Variants in KCNIP4 observed in about 807,000 individuals in gnomAD.
KCNIP4 encodes the protein potassium voltage-gated channel interacting protein 4.
In KCNIP4, 12 loss-of-function variants were observed where a neutral mutation model predicts 34.0. That is an observed-to-expected ratio of 0.35 (90% CI 0.23 to 0.57). The LOEUF (loss-of-function observed/expected upper bound fraction) is 0.57, where lower values mean the gene tolerates loss of function less well. Ranked by LOEUF, KCNIP4 falls within the 20% of genes least tolerant of loss-of-function variation. KCNIP4 has a pLI of 0.83. For missense variants in KCNIP4, 238 were observed against 311.7 expected, an observed-to-expected ratio of 0.76 and a Z score of 1.78; for synonymous variants, 124 against 102.2, an observed-to-expected ratio of 1.21 and a Z score of -1.29.
intron 1 of KCNIP4, among the ~76,000 whole-genome samples, chr4:21,320,964 T>TTAAAAAAAAAAAAAAAA (rs1553860312): frequency 2.9e-5 from 3 of 102,916 alleles, no homozygotes; most frequent in South Asian, 3.2e-4. Context: ...GAATCTGTCT[T>TTAAAAAAAAAAAAAAAA]AAAAAAAAAA....
chr4:20,982,024 T>C (rs1199799903), intron 1 of KCNIP4, among the ~76,000 whole-genome samples: 1 of 152,220 alleles, frequency 6.6e-6, no homozygotes, highest in Non-Finnish European at 1.5e-5. Context: ...AATTCGAAGT[T>C]TGAATCTGCA....
At chr4:21,934,302 T>G (rs1729729824) in intron 1 of KCNIP4, among the ~76,000 whole-genome samples, 1 of 151,996 alleles carries the variant, frequency 6.6e-6, no homozygotes, top group Non-Finnish European at 1.5e-5. Context: ...GTGGTCATTT[T>G]CATCAATTCC....
intron 1 of KCNIP4, among the ~76,000 whole-genome samples, chr4:21,146,740 A>G (rs948637752): frequency 1.3e-5 from 2 of 152,204 alleles, no homozygotes; most frequent in Non-Finnish European, 2.9e-5. Flanking sequence ...CTGGAAACTC[A>G]TAAGATTTTG....
chr4:20,785,035 A>G (rs1022409301), intron 3 of KCNIP4, among the ~76,000 whole-genome samples: 2 of 152,158 alleles, frequency 1.3e-5, no homozygotes, highest in African/African-American at 2.4e-5. Flanking sequence ...AACTGGGGAT[A>G]TATATCATTG....
intron 1 of KCNIP4, among the ~76,000 whole-genome samples, chr4:20,950,236 A>G (rs1182277780): frequency 1.3e-5 from 2 of 151,808 alleles, no homozygotes; most frequent in Admixed American, 1.3e-4. Flanking sequence ...TGGAAAGGAG[A>G]ATACATGTCT....
chr4:21,948,438 C>T (rs1056283592), intron 1 of KCNIP4, 133 bp downstream of exon 1: 4 of 988,146 alleles, frequency 4.0e-6, no homozygotes, highest in East Asian at 2.8e-5. Context: ...TTCCCAGTCC[C>T]GCCAGGTGAC....
chr4:20,730,406 C>CAAATCATAATGCCAA (rs1747753357), intron 8 of KCNIP4, among the ~76,000 whole-genome samples: 2 of 152,108 alleles, frequency 1.3e-5, no homozygotes, highest in Admixed American at 1.3e-4. Context: ...GGATATTTCT[C>CAAATCATAATGCCAA]AAATCATAAT....
intron 1 of KCNIP4, among the ~76,000 whole-genome samples, chr4:21,071,626 T>A (rs1403319136): frequency 6.6e-6 from 1 of 152,076 alleles, no homozygotes; most frequent in Non-Finnish European, 1.5e-5. Context: ...GTTGGGATTT[T>A]ATTTATTTTT....
chr4:21,238,955 C>T (rs1025913637), intron 1 of KCNIP4, among the ~76,000 whole-genome samples: 15 of 152,144 alleles, frequency 9.9e-5, no homozygotes, highest in African/African-American at 1.4e-4. Flanking sequence ...GGAGGCATCA[C>T]GCTACTTGAC....
At chr4:21,263,555 G>T (rs1290950683) in intron 1 of KCNIP4, among the ~76,000 whole-genome samples, 1 of 152,184 alleles carries the variant, frequency 6.6e-6, no homozygotes, top group Non-Finnish European at 1.5e-5. Context: ...CCACTACTCA[G>T]CTCCAGCTGG....
chr4:20,743,355 CCTGACTTCAAA>C (rs1230503935), intron 5 of KCNIP4, among the ~76,000 whole-genome samples: 2 of 152,170 alleles, frequency 1.3e-5, no homozygotes, highest in Non-Finnish European at 2.9e-5. Flanking sequence ...CATCATGCTG[CCTGACTTCAAA>C]CTATACTACA....
At chr4:21,327,014 C>A (rs1715150506) in intron 1 of KCNIP4, among the ~76,000 whole-genome samples, 1 of 151,854 alleles carries the variant, frequency 6.6e-6, no homozygotes, top group Non-Finnish European at 1.5e-5. Context: ...TAAAAAGTTG[C>A]TGCAGTTATA....
At chr4:21,179,819 C>G (rs966127123) in intron 1 of KCNIP4, among the ~76,000 whole-genome samples, 1 of 152,048 alleles carries the variant, frequency 6.6e-6, no homozygotes, top group African/African-American at 2.4e-5. Context: ...CCCTTGTGTC[C>G]TTTCAAATGT....
intron 3 of KCNIP4, chr4:20,766,859 G>C (rs1755459084): frequency 6.6e-6 from 1 of 152,110 alleles, no homozygotes; most frequent in African/African-American, 2.4e-5. Flanking sequence ...TAGAAGGCCT[G>C]GGTTGAACCC....
intron 1 of KCNIP4, among the ~76,000 whole-genome samples, chr4:21,443,909 TCAAA>T (rs1727718069): frequency 6.6e-6 from 1 of 151,880 alleles, no homozygotes; most frequent in Admixed American, 6.6e-5. Context: ...GAGCCTGGAA[TCAAA>T]CAGACACAAT....
chr4:21,739,059 G>A (rs1415783755), intron 1 of KCNIP4, among the ~76,000 whole-genome samples: 1 of 152,142 alleles, frequency 6.6e-6, no homozygotes, highest in Non-Finnish European at 1.5e-5. Context: ...AGACAATACA[G>A]AGTGCTGGAT....
intron 1 of KCNIP4, among the ~76,000 whole-genome samples, chr4:21,634,349 C>CT (rs938398671): frequency 2.6e-5 from 4 of 151,406 alleles, no homozygotes; most frequent in East Asian, 1.9e-4. Context: ...GATGGCATGG[C>CT]TTTTTTTAAC....
chr4:20,902,806 C>G (rs892196817), intron 1 of KCNIP4, among the ~76,000 whole-genome samples: 1 of 152,178 alleles, frequency 6.6e-6, no homozygotes, highest in Non-Finnish European at 1.5e-5. Flanking sequence ...AAGCGTGAAC[C>G]ACTGTGCCCG....
intron 1 of KCNIP4, among the ~76,000 whole-genome samples, chr4:20,941,759 C>T (rs1238945157): frequency 1.3e-5 from 2 of 152,166 alleles, no homozygotes; most frequent in Non-Finnish European, 2.9e-5. Context: ...ATGAATATAT[C>T]TTCCAGAGAG....
Sources: allele counts gnomAD v4.1 joint callset (sites outside exome capture counted in the v4.1 genomes callset), GRCh38; gene constraint gnomAD v4.1.1; transcripts MANE v1.5; gene names NCBI Gene and HGNC (gene_info 2026-07-23, HGNC 2026-07-21).